Variants in ADAM29 observed in about 807,000 individuals in gnomAD.
ADAM29 encodes disintegrin and metalloproteinase domain-containing protein 29.
For missense variants in ADAM29, 969 were observed against 1,001.8 expected (o/e 0.97, Z 0.44); for synonymous variants, 367 against 342.3 (o/e 1.07, Z -0.80).
At chr4:174,941,901 T>C (rs1439611031) in intron 4 of ADAM29, among the ~76,000 whole-genome samples, 1 of 152,202 alleles carries the variant, frequency 6.6e-6, no homozygotes. Context: ...AAAAAGTTAG[T>C]TACTTTCAAG....
At chr4:174,932,397 T>C (rs1455670331) in intron 3 of ADAM29, among the ~76,000 whole-genome samples, 1 of 152,168 alleles carries the variant, frequency 6.6e-6, no homozygotes, top group Non-Finnish European at 1.5e-5. Context: ...ACTTCAAATA[T>C]TAGGATCTAG....
intron 1 of ADAM29, among the ~76,000 whole-genome samples, chr4:174,919,423 C>T (rs1226780956): frequency 2.6e-5 from 4 of 152,110 alleles, no homozygotes; most frequent in Non-Finnish European, 5.9e-5. Flanking sequence ...AAGCAACACA[C>T]ATTTATCACA....
chr4:174,948,176 G>A (rs1375153679), intron 4 of ADAM29, among the ~76,000 whole-genome samples: 1 of 152,108 alleles, frequency 6.6e-6, no homozygotes, highest in Non-Finnish European at 1.5e-5. Context: ...AGCCATTTCA[G>A]CTTGGTTAAG....
At chr4:174,926,629 C>T (rs955904367) in intron 2 of ADAM29, among the ~76,000 whole-genome samples, 8 of 150,000 alleles carry the variant, frequency 5.3e-5, no homozygotes, top group African/African-American at 1.2e-4. Context: ...TAGGGAGTGT[C>T]GTGGTGCAAG....
intron 4 of ADAM29, among the ~76,000 whole-genome samples, 153 bp downstream of exon 4, chr4:174,937,166 T>C (rs1744250149): frequency 6.6e-6 from 1 of 152,042 alleles, no homozygotes; most frequent in South Asian, 2.1e-4. Flanking sequence ...ACTCACAATT[T>C]GCCAATAATT....
intron 4 of ADAM29, among the ~76,000 whole-genome samples, chr4:174,963,683 T>G (rs1315465844): frequency 2.4e-5 from 3 of 122,804 alleles, no homozygotes; most frequent in East Asian, 5.0e-4. Context: ...ATAGTAAAGG[T>G]TTTTTTATTT....
At chr4:174,932,746 A>T (rs1471437140) in intron 3 of ADAM29, among the ~76,000 whole-genome samples, 3 of 152,184 alleles carry the variant, frequency 2.0e-5, no homozygotes, top group Non-Finnish European at 4.4e-5. Flanking sequence ...TTTGCAGTGA[A>T]AAAAGGGGAA....
In ADAM29 at chr4:174,923,525, G is replaced by GTATATA. The variant is rs58980378; in HGVS notation, c.-451+2764_-451+2769dup. Reference sequence around the variant, plus strand: ...ATCCCCTATATACTGTGCATTATATGTATATATATATATATATATATATAT... The same window carrying GTATATA: ...ATCCCCTATATACTGTGCATTATATGTATATATATATATATATATATATATATATAT... On this transcript the variant is annotated intron_variant, in intron 2 of 4. Transcript: ENST00000359240. Among the ~76,000 whole-genome samples the GTATATA allele has an allele frequency of 4.9e-4, 47 of 96,688 alleles. No individual in the cohort carries two copies. In the South Asian group the frequency reaches 5.8e-3, roughly 12 times the overall value. The allele number at this position is 96,688 out of a possible 152,430, so 63.4% of individuals were successfully genotyped here. A position where few individuals can be genotyped will look rare whatever the true frequency, so the allele number is the denominator to read the frequency against.
intron 2 of ADAM29, among the ~76,000 whole-genome samples, chr4:174,930,609 G>A (rs1024966842): frequency 6.6e-6 from 1 of 152,024 alleles, no homozygotes; most frequent in African/African-American, 2.4e-5. Flanking sequence ...TGTTTAAAAG[G>A]TAACTATGTC....
chr4:174,932,983 C>T (rs141554763), intron 3 of ADAM29, among the ~76,000 whole-genome samples: 76 of 152,258 alleles, frequency 5.0e-4, no homozygotes, highest in Non-Finnish European at 8.4e-4. Flanking sequence ...ACAGATAGGT[C>T]CCATGTGATT....
intron 4 of ADAM29, among the ~76,000 whole-genome samples, chr4:174,972,443 C>T (rs971710239): frequency 6.6e-6 from 1 of 152,134 alleles, no homozygotes; most frequent in African/African-American, 2.4e-5. Context: ...GGGTGGGAAA[C>T]TATTGTATCA....
intron 4 of ADAM29, among the ~76,000 whole-genome samples, chr4:174,953,333 A>C (rs11133072): frequency 0.42 from 63,642 of 152,006 alleles, 13,868 homozygotes; most frequent in African/African-American, 0.54. Context: ...ATCTTAGTGA[A>C]TAGATGTTTA....
intron 4 of ADAM29, among the ~76,000 whole-genome samples, chr4:174,963,870 C>T (rs1291606143): frequency 3.9e-5 from 6 of 152,072 alleles, no homozygotes; most frequent in South Asian, 4.2e-4. Context: ...TTAGTAGAGA[C>T]GGGGTTTCCA....
intron 4 of ADAM29, among the ~76,000 whole-genome samples, chr4:174,952,244 A>G (rs994156561): frequency 6.6e-6 from 1 of 151,912 alleles, no homozygotes; most frequent in African/African-American, 2.4e-5. Context: ...CTTCCTGGAT[A>G]ACTTTATCTC....
chr4:174,954,329 T>C (rs1745367164), intron 4 of ADAM29, among the ~76,000 whole-genome samples: 1 of 152,294 alleles, frequency 6.6e-6, no homozygotes, highest in Non-Finnish European at 1.5e-5. Context: ...ATTTTTATCT[T>C]CAAACCAGAC....
At chr4:174,929,287 T>C (rs1743705751) in intron 2 of ADAM29, among the ~76,000 whole-genome samples, 1 of 152,206 alleles carries the variant, frequency 6.6e-6, no homozygotes, top group Non-Finnish European at 1.5e-5. Context: ...AGCATAATGT[T>C]GACTTTCTTT....
At chr4:174,930,637 T>C (rs1391507994) in intron 2 of ADAM29, among the ~76,000 whole-genome samples, 2 of 152,156 alleles carry the variant, frequency 1.3e-5, no homozygotes, top group Non-Finnish European at 2.9e-5. Context: ...CTTCAACTAT[T>C]AATTTTGTTT....
At chr4:174,941,159 A>G (rs1013833584) in intron 4 of ADAM29, among the ~76,000 whole-genome samples, 2 of 152,180 alleles carry the variant, frequency 1.3e-5, no homozygotes, top group African/African-American at 4.8e-5. Flanking sequence ...CAAATTATTT[A>G]ATTTCATTCT....
chr4:174,950,185 C>T (rs1480352625), intron 4 of ADAM29, among the ~76,000 whole-genome samples: 1 of 152,090 alleles, frequency 6.6e-6, no homozygotes, highest in African/African-American at 2.4e-5. Context: ...CATTGATTTC[C>T]CCACTCCATG....
Sources: allele counts gnomAD v4.1 joint callset (sites outside exome capture counted in the v4.1 genomes callset), GRCh38; gene constraint gnomAD v4.1.1; transcripts MANE v1.5; gene names NCBI Gene and HGNC (gene_info 2026-07-23, HGNC 2026-07-21).